Variants in ADGRF5 observed in about 807,000 individuals in gnomAD.
ADGRF5 encodes the protein adhesion G protein-coupled receptor F5, also known as G-protein coupled receptor 116.
Under a neutral mutation model 132.3 loss-of-function variants are expected in ADGRF5, and 75 were observed. The ratio of observed to expected loss-of-function variants is 0.57; its 90% CI spans 0.47 to 0.69. The LOEUF is 0.69. Among genes scored for constraint, ADGRF5 ranks in the 30% least tolerant of loss-of-function variants. The probability of loss-of-function intolerance (pLI) is 0.00; values close to 1 mark genes in which losing one functional copy is unlikely to be tolerated. For synonymous variants in ADGRF5, 629 were observed against 597.6 expected (o/e 1.05, Z -0.77); for missense variants, 1,516 against 1,630.6 (o/e 0.93, Z 1.21).
rs141139190 is a variant in ADGRF5, at chr6:46,882,892, G to A, written c.612+667C>T. On this transcript the variant is annotated intron_variant, in intron 6 of 20. Transcript: ENST00000283296. ...TGACAGCCTAAGGCAGGGCTCAGCTGACAGCCTAAGACAGGGCTCGGCTGC... is the reference window on the plus strand; with the variant it reads ...TGACAGCCTAAGGCAGGGCTCAGCTAACAGCCTAAGACAGGGCTCGGCTGC... 1.9e-3 allele frequency among the ~76,000 whole-genome samples: 294 copies of A among 152,308 alleles called. 2 individuals are homozygous for A. Among genetic ancestry groups the A allele is most frequent in the Non-Finnish European group, 2.2e-3 (148 of 68,024 alleles).
Position 46,858,237 on chromosome 6 carries a change from C to T in ADGRF5, c.3666G>A (p.Gly1222=). ...TGAGGCCCAAGAGTGGTGTGAGGAC[C>T]CCAATGCTCTTGCTGATCTGAAACA... ...SSLFQISKSI[G]VLTPLLGLTW... The change falls in exon 17 of 21, where the codon GGG becomes GGA. Residue 1222 remains glycine (G), a synonymous_variant. Coordinates refer to ENST00000283296, the MANE Select transcript of ADGRF5 (RefSeq NM_001098518.2). 2.5e-6 allele frequency: 4 copies of T among 1,614,010 alleles called. No individual in the cohort carries two copies. Among genetic ancestry groups the T allele is most frequent in the Non-Finnish European group, 3.4e-6 (4 of 1,180,008 alleles).
At chr6:46,929,661 G>C (rs1777458219) in intron 1 of ADGRF5, among the ~76,000 whole-genome samples, 1 of 151,896 alleles carries the variant, frequency 6.6e-6, no homozygotes, top group Non-Finnish European at 1.5e-5. Flanking sequence ...AGCAGAGAAA[G>C]AGGCAATATG....
chr6:46,889,193 A>G (rs1249578663), intron 3 of ADGRF5, among the ~76,000 whole-genome samples: 1 of 147,358 alleles, frequency 6.8e-6, no homozygotes, highest in African/African-American at 2.5e-5. Flanking sequence ...ATACATATAT[A>G]TATATATATA....
chr6:46,898,913 A>G (rs1774456764), intron 3 of ADGRF5, among the ~76,000 whole-genome samples: 1 of 152,252 alleles, frequency 6.6e-6, no homozygotes, highest in Non-Finnish European at 1.5e-5. Flanking sequence ...TGTAATGTGA[A>G]CGTGCAAGTG....
intron 1 of ADGRF5, among the ~76,000 whole-genome samples, chr6:46,919,775 A>G (rs1776753008): frequency 6.6e-6 from 1 of 152,246 alleles, no homozygotes; most frequent in Non-Finnish European, 1.5e-5. Flanking sequence ...TAGTGGCTCT[A>G]TAGTTTGGGG....
chr6:46,872,158 T>G (rs1435562806), intron 10 of ADGRF5, 145 bp from the exon 11 acceptor site: 1 of 573,866 alleles, frequency 1.7e-6, no homozygotes, highest in Non-Finnish European at 2.9e-6. Flanking sequence ...TTTATGGTGA[T>G]TAGGTCTGCA....
intron 2 of ADGRF5, chr6:46,903,401 A>T (rs1774978279): frequency 6.6e-6 from 1 of 152,276 alleles, no homozygotes; most frequent in Admixed American, 6.5e-5. Context: ...GCCGGAAAAG[A>T]CAAGGTCACC....
intron 12 of ADGRF5, among the ~76,000 whole-genome samples, chr6:46,867,638 G>C (rs113734091): frequency 7.6e-4 from 115 of 152,264 alleles, no homozygotes; most frequent in African/African-American, 2.6e-3. Context: ...AGCTGCCATG[G>C]AGACATACAG....
In ADGRF5 at chr6:46,884,180, T is replaced by C. The variant is rs765182429; in HGVS notation, c.420A>G (p.Gln140=). The C allele has an allele frequency of 1.9e-6, 3 of 1,613,974 alleles. No homozygotes were observed. Among genetic ancestry groups the C allele is most frequent in the Non-Finnish European group, 2.5e-6 (3 of 1,179,932 alleles). The change falls in exon 5 of 21, where the codon CAA becomes CAG. Residue 140 remains glutamine (Q), a synonymous_variant. Coordinates refer to ENST00000283296, the MANE Select transcript of ADGRF5 (RefSeq NM_001098518.2). ...GCCCTGGGAGGAAGACGTCACGCTCTTGACAAATGAGATTGTGAAGACACC... is the reference window on the plus strand; with the variant it reads ...GCCCTGGGAGGAAGACGTCACGCTCCTGACAAATGAGATTGTGAAGACACC... The part of the protein sequence containing the change: ...RERCLHNLIC[Q]ERDVFLPGHH...
chr6:46,876,223 G>T (rs922760408), intron 10 of ADGRF5, among the ~76,000 whole-genome samples: 1 of 152,248 alleles, frequency 6.6e-6, no homozygotes, highest in African/African-American at 2.4e-5. Flanking sequence ...AAACCACGGT[G>T]CAGGTCCCCA....
chr6:46,884,189 G>T lies in ADGRF5; in HGVS notation c.411C>A (p.Leu137=). 6.2e-7 allele frequency: 1 copy of T among 1,613,782 alleles called. No homozygotes were observed. The highest frequency in any genetic ancestry group is 8.5e-7 in the Non-Finnish European group (1 of 1,179,666). ...GGAAGACGTCACGCTCTTGACAAAT[G>T]AGATTGTGAAGACACCTTTCCCGAG... The part of the protein sequence containing the change: ...GWPRERCLHN[L]ICQERDVFLP... The change falls in exon 5 of 21, where the codon CTC becomes CTA. Residue 137 remains leucine (L), a synonymous_variant. Transcript: ENST00000283296.
chr6:46,896,241 T>G (rs539856132), intron 3 of ADGRF5, among the ~76,000 whole-genome samples: 3 of 152,322 alleles, frequency 2.0e-5, no homozygotes, highest in Admixed American at 6.5e-5. Flanking sequence ...TACTTCCTGA[T>G]GGAATCGTGA....
At chr6:46,938,484 C>G (rs1777931567) in intron 1 of ADGRF5, among the ~76,000 whole-genome samples, 1 of 152,172 alleles carries the variant, frequency 6.6e-6, no homozygotes, top group African/African-American at 2.4e-5. Context: ...ATAGGTGAGG[C>G]CACTGGAAGT....
At chr6:46,896,578 C>T (rs1774201637) in intron 3 of ADGRF5, among the ~76,000 whole-genome samples, 1 of 151,914 alleles carries the variant, frequency 6.6e-6, no homozygotes, top group Admixed American at 6.6e-5. Context: ...ACCAGATAAT[C>T]CAATTAACAT....
upstream of ADGRF5, among the ~76,000 whole-genome samples, chr6:46,925,062 G>A (rs769973839): frequency 2.0e-5 from 3 of 152,122 alleles, no homozygotes; most frequent in Non-Finnish European, 4.4e-5. Flanking sequence ...AAGTCCACAC[G>A]TGCTCAACTC....
chr6:46,877,526 T>C (rs569648843), intron 10 of ADGRF5, among the ~76,000 whole-genome samples: 2 of 152,038 alleles, frequency 1.3e-5, no homozygotes, highest in East Asian at 1.9e-4. Context: ...TTTTAAAGGG[T>C]TAATCATAAA....
chr6:46,896,557 G>T (rs776090063), intron 3 of ADGRF5, among the ~76,000 whole-genome samples: 5 of 151,742 alleles, frequency 3.3e-5, no homozygotes, highest in Non-Finnish European at 5.9e-5. Flanking sequence ...ACTATTAAAA[G>T]AAAAATAAAC....
chr6:46,934,779 C>G (rs533203965), intron 1 of ADGRF5, among the ~76,000 whole-genome samples: 1 of 152,256 alleles, frequency 6.6e-6, no homozygotes, highest in South Asian at 2.1e-4. Context: ...TCCTCTGTGT[C>G]AGGAGCTGCT....
At chr6:46,877,300 TC>T (rs60858126) in intron 10 of ADGRF5, among the ~76,000 whole-genome samples, 20 of 99,020 alleles carry the variant, frequency 2.0e-4, no homozygotes, top group Non-Finnish European at 3.9e-4. Context: ...TCTCTCTCTC[TC>T]TCTCTTTCCT....
Sources: gnomAD v4.1 joint callset for allele counts (sites outside exome capture counted in the v4.1 genomes callset) on GRCh38, gnomAD v4.1.1 for gene constraint, MANE v1.5 for transcripts, NCBI Gene and HGNC (gene_info 2026-07-23, HGNC 2026-07-21) for gene names.